MYOCOS: variants seen among roughly 807,000 people sequenced by gnomAD.
MYOCOS encodes the protein myocilin opposite strand protein.
At chr1:171,609,703 G>A (rs1652321854) in intron 1 of MYOCOS, among the ~76,000 whole-genome samples, 1 of 152,132 alleles carries the variant, frequency 6.6e-6, no homozygotes, top group Non-Finnish European at 1.5e-5. Flanking sequence ...GTATATCAAT[G>A]TTGCCCAGTC....
At chr1:171,611,640 G>A (rs1395715290) in intron 1 of MYOCOS, among the ~76,000 whole-genome samples, 3 of 152,230 alleles carry the variant, frequency 2.0e-5, no homozygotes, top group Middle Eastern at 3.4e-3. Context: ...CCACTGCCTG[G>A]ACCTGCAGGG....
At chr1:171,620,379 C>T (rs1264286322), upstream of MYOCOS, among the ~76,000 whole-genome samples, 2 of 152,094 alleles carry the variant, frequency 1.3e-5, no homozygotes, top group Non-Finnish European at 1.5e-5. Context: ...TACCCCAAAA[C>T]ATGTTTCTTT....
chr1:171,624,381 C>T (rs1433987473), intron 2 of MYOCOS, among the ~76,000 whole-genome samples: 4 of 152,144 alleles, frequency 2.6e-5, no homozygotes, highest in South Asian at 4.1e-4. Context: ...GCAATCCTCC[C>T]ACCTCAGCCT....
chr1:171,624,344 C>A (rs1652646687), intron 2 of MYOCOS, among the ~76,000 whole-genome samples: 1 of 152,134 alleles, frequency 6.6e-6, no homozygotes, highest in Non-Finnish European at 1.5e-5. Flanking sequence ...CTCACTGTAG[C>A]CTCAGCCTCA....
chr1:171,622,879 C>T (rs1652602385), intron 1 of MYOCOS, among the ~76,000 whole-genome samples: 1 of 152,158 alleles, frequency 6.6e-6, no homozygotes, highest in South Asian at 2.1e-4. Context: ...TTTCCCCATT[C>T]GTTGAATGAG....
intron 1 of MYOCOS, among the ~76,000 whole-genome samples, chr1:171,612,035 G>A (rs1357504049): frequency 6.6e-6 from 1 of 152,144 alleles, no homozygotes; most frequent in African/African-American, 2.4e-5. Context: ...GGGATATTAT[G>A]AGAACTGCTG....
intron 1 of MYOCOS, among the ~76,000 whole-genome samples, chr1:171,603,272 C>T (rs1652178611): frequency 1.3e-5 from 2 of 152,186 alleles, no homozygotes; most frequent in South Asian, 4.1e-4. Flanking sequence ...CTTGTTCCTC[C>T]CCGAGCAAAT....
intron 1 of MYOCOS, among the ~76,000 whole-genome samples, chr1:171,609,958 C>A (rs1048391845): frequency 6.6e-6 from 1 of 152,164 alleles, no homozygotes; most frequent in African/African-American, 2.4e-5. Flanking sequence ...AATTATTTTC[C>A]AAGATCACTC....
intron 1 of MYOCOS, among the ~76,000 whole-genome samples, chr1:171,614,248 CA>C (rs1652407909): frequency 6.6e-6 from 1 of 152,168 alleles, no homozygotes; most frequent in East Asian, 1.9e-4. Flanking sequence ...CCTACTGATA[CA>C]AATGGTGTTA....
At chr1:171,601,999 A>G (rs1162864172) in intron 1 of MYOCOS, among the ~76,000 whole-genome samples, 3 of 152,086 alleles carry the variant, frequency 2.0e-5, no homozygotes, top group Non-Finnish European at 4.4e-5. Flanking sequence ...CTAATCTTGT[A>G]GCCTTAGACA....
At chr1:171,621,768 C>A (rs1258708162), upstream of MYOCOS, among the ~76,000 whole-genome samples, 5 of 151,972 alleles carry the variant, frequency 3.3e-5, no homozygotes, top group Admixed American at 1.3e-4. Flanking sequence ...GCCAGGAGTT[C>A]AAGGCAGCAG....
At chr1:171,620,102 T>TAC (rs760370830), upstream of MYOCOS, among the ~76,000 whole-genome samples, 1 of 147,188 alleles carries the variant, frequency 6.8e-6, no homozygotes, top group Admixed American at 6.8e-5. Flanking sequence ...ATATATAAAA[T>TAC]ATATATATAT....
At chr1:171,622,774 A>C (rs1057333660) in intron 1 of MYOCOS, among the ~76,000 whole-genome samples, 5 of 152,158 alleles carry the variant, frequency 3.3e-5, no homozygotes, top group Non-Finnish European at 2.9e-5. Context: ...TTGGCTCTGT[A>C]ATGGAGATAA....
At chr1:171,608,216 A>G (rs1051992311) in intron 1 of MYOCOS, among the ~76,000 whole-genome samples, 1 of 152,124 alleles carries the variant, frequency 6.6e-6, no homozygotes, top group Non-Finnish European at 1.5e-5. Context: ...TACACTGCAA[A>G]AGAGATGTGC....
At chr1:171,604,981 A>C (rs1036037936) in intron 1 of MYOCOS, among the ~76,000 whole-genome samples, 2 of 152,184 alleles carry the variant, frequency 1.3e-5, no homozygotes, top group African/African-American at 4.8e-5. Flanking sequence ...TAGCATAAAC[A>C]TCCTAATAAA....
chr1:171,618,081 T>C (rs1652483749), upstream of MYOCOS, among the ~76,000 whole-genome samples: 1 of 152,244 alleles, frequency 6.6e-6, no homozygotes, highest in Non-Finnish European at 1.5e-5. Flanking sequence ...AGAAGGTATC[T>C]AGGCCTAGGA....
intron 1 of MYOCOS, among the ~76,000 whole-genome samples, chr1:171,607,216 G>GT (rs1344141970): frequency 1.3e-5 from 2 of 152,024 alleles, no homozygotes; most frequent in South Asian, 2.1e-4. Context: ...GAAATAAAGG[G>GT]TTTTTTAGAA....
intron 1 of MYOCOS, among the ~76,000 whole-genome samples, chr1:171,605,269 A>G (rs2102932023): frequency 6.6e-6 from 1 of 152,154 alleles, no homozygotes; most frequent in South Asian, 2.1e-4. Flanking sequence ...CTAGGTTCTA[A>G]AAGTCTCAAT....
chr1:171,616,430 C>T (rs1409576654), intron 2 of MYOCOS, among the ~76,000 whole-genome samples: 1 of 151,936 alleles, frequency 6.6e-6, no homozygotes, highest in Non-Finnish European at 1.5e-5. Flanking sequence ...ATCCCAGCTA[C>T]TGGGGAGGCT....
Sources: allele counts gnomAD v4.1 joint callset (sites outside exome capture counted in the v4.1 genomes callset), GRCh38; gene constraint gnomAD v4.1.1; transcripts MANE v1.5; gene names NCBI Gene and HGNC (gene_info 2026-07-23, HGNC 2026-07-21).